Variants in ZPBP observed in about 807,000 individuals in gnomAD.
The protein encoded by ZPBP is zona pellucida binding protein.
ZPBP carries 26 observed loss-of-function variants against 44.8 expected under a neutral mutation model. That is an observed-to-expected ratio of 0.58 (90% CI 0.43 to 0.81). The LOEUF is 0.81. Among genes scored for constraint, ZPBP ranks in the 30% least tolerant of loss-of-function variants. ZPBP has a pLI of 0.00. For missense variants in ZPBP, 409 were observed against 434.0 expected (o/e 0.94, Z 0.51); for synonymous variants, 174 against 153.2 (o/e 1.14, Z -1.00).
At chr7:50,049,211 G>A (rs1366845402) in intron 4 of ZPBP, among the ~76,000 whole-genome samples, 2 of 151,902 alleles carry the variant, frequency 1.3e-5, no homozygotes, top group Non-Finnish European at 2.9e-5. Context: ...AAGCCCAAAG[G>A]TCTTCACTGA....
chr7:49,846,835 G>A (rs550336704), downstream of ZPBP, among the ~76,000 whole-genome samples: 1 of 152,296 alleles, frequency 6.6e-6, no homozygotes, highest in African/African-American at 2.4e-5. Flanking sequence ...TTGACAGCCA[G>A]AGAAGTAGGT....
chr7:49,930,314 C>T (rs925872475), intron 1 of ZPBP, among the ~76,000 whole-genome samples: 1 of 152,162 alleles, frequency 6.6e-6, no homozygotes, highest in African/African-American at 2.4e-5. Flanking sequence ...GCTGTGTAAA[C>T]CCGGGAAGGT....
intron 1 of ZPBP, among the ~76,000 whole-genome samples, chr7:49,929,188 C>A (rs1369251759): frequency 3.3e-5 from 5 of 152,222 alleles, no homozygotes; most frequent in Non-Finnish European, 7.3e-5. Context: ...AGACATTGAG[C>A]CTCTTTCTTG....
intron 7 of ZPBP, among the ~76,000 whole-genome samples, chr7:49,979,814 T>C (rs1227158407): frequency 1.5e-5 from 2 of 131,094 alleles, no homozygotes; most frequent in Non-Finnish European, 3.1e-5. Context: ...ATCTGTGTTC[T>C]GGAGTTATAC....
chr7:49,991,679 G>C (rs1451679444), intron 6 of ZPBP, among the ~76,000 whole-genome samples: 1 of 151,960 alleles, frequency 6.6e-6, no homozygotes, highest in Admixed American at 6.6e-5. Flanking sequence ...TATTAGAGAG[G>C]TAAACTGGCA....
chr7:50,010,125 T>C (rs1798501643), intron 6 of ZPBP, among the ~76,000 whole-genome samples: 1 of 152,140 alleles, frequency 6.6e-6, no homozygotes, highest in Non-Finnish European at 1.5e-5. Context: ...TGTACACATC[T>C]ACAAGCTTAT....
intron 7 of ZPBP, chr7:49,940,652 T>C (rs1794834942): frequency 5.5e-6 from 3 of 545,390 alleles, no homozygotes; most frequent in Non-Finnish European, 6.9e-6. Flanking sequence ...AAGTTCTGAA[T>C]CCAAAAAAAA....
chr7:49,871,819 CCAAT>C (rs936470876), intron 2 of ZPBP, among the ~76,000 whole-genome samples: 1 of 142,820 alleles, frequency 7.0e-6, no homozygotes, highest in Non-Finnish European at 1.5e-5. Flanking sequence ...AATTATACAC[CCAAT>C]CAAAGACATA....
chr7:50,068,658 C>T (rs1326174157), intron 3 of ZPBP, among the ~76,000 whole-genome samples: 3 of 152,156 alleles, frequency 2.0e-5, no homozygotes, highest in Non-Finnish European at 4.4e-5. Flanking sequence ...AGCCTCCGAT[C>T]AGCCTTCTGA....
chr7:49,984,446 A>G (rs2128782803), intron 6 of ZPBP, among the ~76,000 whole-genome samples: 1 of 152,278 alleles, frequency 6.6e-6, no homozygotes, highest in South Asian at 2.1e-4. Flanking sequence ...CCTTTTTGGC[A>G]CTAGGGAATG....
At chr7:49,902,779 T>A (rs959825592) in intron 1 of ZPBP, among the ~76,000 whole-genome samples, 2 of 152,198 alleles carry the variant, frequency 1.3e-5, no homozygotes, top group South Asian at 2.1e-4. Context: ...AATATAAAAT[T>A]TTTTTGAAAT....
At chr7:49,930,187 G>A (rs551558303) in intron 1 of ZPBP, among the ~76,000 whole-genome samples, 17 of 152,200 alleles carry the variant, frequency 1.1e-4, no homozygotes, top group Non-Finnish European at 2.1e-4. Context: ...CAAGTAGTCC[G>A]AGGCCAGGAG....
chr7:49,962,554 G>A (rs1020870490), intron 7 of ZPBP, among the ~76,000 whole-genome samples: 4 of 151,808 alleles, frequency 2.6e-5, no homozygotes, highest in Admixed American at 6.6e-5. Context: ...GAAAGTCTGA[G>A]GGCTCTGATA....
At chr7:50,078,409 A>G (rs1472619230) in intron 3 of ZPBP, among the ~76,000 whole-genome samples, 1 of 151,666 alleles carries the variant, frequency 6.6e-6, no homozygotes, top group Non-Finnish European at 1.5e-5. Flanking sequence ...TGGAATATTT[A>G]TAACCTAAGG....
At chr7:50,014,606 A>G (rs1272016475) in intron 6 of ZPBP, among the ~76,000 whole-genome samples, 2 of 151,372 alleles carry the variant, frequency 1.3e-5, no homozygotes, top group Non-Finnish European at 2.9e-5. Flanking sequence ...CTGGGATTAC[A>G]GGCACCTACC....
chr7:49,900,971 A>G (rs1417097999), intron 2 of ZPBP: 1 of 151,846 alleles, frequency 6.6e-6, no homozygotes, highest in African/African-American at 2.4e-5. Flanking sequence ...CAGGCTAAAG[A>G]AGAAAAATCA....
At chr7:49,937,682 C>T (rs1794671273) in intron 7 of ZPBP, 60 bp from the exon 8 acceptor site, 1 of 1,341,736 alleles carries the variant, frequency 7.5e-7, no homozygotes, top group African/African-American at 1.4e-5. Flanking sequence ...TATAAAATTT[C>T]CAATCTCAAT....
At chr7:49,949,863 T>C (rs1363374051) in intron 7 of ZPBP, among the ~76,000 whole-genome samples, 1 of 152,008 alleles carries the variant, frequency 6.6e-6, no homozygotes, top group Non-Finnish European at 1.5e-5. Flanking sequence ...AGCTAATATC[T>C]ACAATTTGAT....
At chr7:49,896,486 A>G (rs973257183) in intron 2 of ZPBP, among the ~76,000 whole-genome samples, 1 of 152,202 alleles carries the variant, frequency 6.6e-6, no homozygotes, top group Non-Finnish European at 1.5e-5. Context: ...AAGAAACTTG[A>G]AAAAGCAAAG....
Sources: allele counts gnomAD v4.1 joint callset (sites outside exome capture counted in the v4.1 genomes callset), GRCh38; gene constraint gnomAD v4.1.1; transcripts MANE v1.5; gene names NCBI Gene and HGNC (gene_info 2026-07-23, HGNC 2026-07-21).